The following ABLIM1 variants were observed in gnomAD, a reference collection of about 807,000 sequenced individuals.
ABLIM1 encodes actin binding LIM protein 1.
In ABLIM1, 40 loss-of-function variants were observed where a neutral mutation model predicts 107.0. The observed-to-expected ratio is 0.37, with a 90% CI of 0.29 to 0.49. The LOEUF is 0.49. Ranked by LOEUF, ABLIM1 falls within the 20% of genes least tolerant of loss-of-function variation. The probability of loss-of-function intolerance (pLI) is 0.97; values close to 1 mark genes in which losing one functional copy is unlikely to be tolerated. For synonymous variants in ABLIM1, 357 were observed against 357.3 expected (o/e 1.00, Z 0.01); for missense variants, 857 against 1,008.5 (o/e 0.85, Z 2.04).
At chr10:114,751,624 C>G (rs560002531) in intron 1 of ABLIM1, among the ~76,000 whole-genome samples, 38 of 151,852 alleles carry the variant, frequency 2.5e-4, no homozygotes, top group Non-Finnish European at 5.3e-4. Context: ...GTGGCGCACA[C>G]ATGTAGTCCC....
intron 1 of ABLIM1, among the ~76,000 whole-genome samples, chr10:114,638,796 C>T (rs529397513): frequency 6.6e-6 from 1 of 152,310 alleles, no homozygotes; most frequent in South Asian, 2.1e-4. Context: ...GATACCTTAT[C>T]CTTCATCGGT....
chr10:114,537,985 T>C (rs1022824874), intron 6 of ABLIM1, among the ~76,000 whole-genome samples: 2 of 152,228 alleles, frequency 1.3e-5, no homozygotes, highest in Non-Finnish European at 2.9e-5. Flanking sequence ...AAAGATTAGA[T>C]GTCATGCAAG....
intron 6 of ABLIM1, among the ~76,000 whole-genome samples, chr10:114,518,940 A>G (rs907236371): frequency 1.3e-5 from 2 of 152,196 alleles, no homozygotes; most frequent in African/African-American, 4.8e-5. Flanking sequence ...AGACAAGAAA[A>G]GCTCCATAGG....
chr10:114,445,100 T>C (rs1452212622), intron 16 of ABLIM1, among the ~76,000 whole-genome samples: 1 of 152,192 alleles, frequency 6.6e-6, no homozygotes, highest in Non-Finnish European at 1.5e-5. Flanking sequence ...CCAGCACCAA[T>C]GCCATCTCCT....
At chr10:114,704,695 C>T (rs1166418574) in intron 1 of ABLIM1, among the ~76,000 whole-genome samples, 1 of 151,920 alleles carries the variant, frequency 6.6e-6, no homozygotes, top group Non-Finnish European at 1.5e-5. Flanking sequence ...TCCTGGGAGG[C>T]TGTGGGGTCC....
At chr10:114,617,966 T>G (rs1203505732) in intron 1 of ABLIM1, among the ~76,000 whole-genome samples, 5 of 152,152 alleles carry the variant, frequency 3.3e-5, no homozygotes, top group Non-Finnish European at 1.5e-5. Context: ...AGAAAAAGTT[T>G]AAAAAACCCA....
At chr10:114,551,444 G>A (rs2068049245) in intron 4 of ABLIM1, among the ~76,000 whole-genome samples, 3 of 152,240 alleles carry the variant, frequency 2.0e-5, no homozygotes, top group Admixed American at 1.3e-4. Flanking sequence ...CTGGCCCACG[G>A]CCAATCAGAG....
chr10:114,593,858 T>C (rs1265287346), intron 2 of ABLIM1, among the ~76,000 whole-genome samples: 1 of 152,208 alleles, frequency 6.6e-6, no homozygotes, highest in African/African-American at 2.4e-5. Flanking sequence ...AAAACCTAAA[T>C]GTTTTAAAAA....
At chr10:114,700,491 AAC>A (rs149691121) in intron 1 of ABLIM1, among the ~76,000 whole-genome samples, 15,806 of 148,136 alleles carry the variant, frequency 0.11, 1,157 homozygotes, top group African/African-American at 0.21. Flanking sequence ...AAACAATTAA[AAC>A]ACACACACAC....
At chr10:114,651,338 C>A (rs2079229960) in intron 1 of ABLIM1, among the ~76,000 whole-genome samples, 1 of 152,080 alleles carries the variant, frequency 6.6e-6, no homozygotes, top group Admixed American at 6.5e-5. Flanking sequence ...GCAACTTGAA[C>A]AAAGATGTGC....
At chr10:114,689,515 C>T (rs2081025863), upstream of ABLIM1, among the ~76,000 whole-genome samples, 1 of 151,862 alleles carries the variant, frequency 6.6e-6, no homozygotes, top group African/African-American at 2.4e-5. Flanking sequence ...GTGTGCACCA[C>T]CACTCCCAGC....
rs2059233715 is a variant in ABLIM1, at chr10:114,435,009, AAC to A, written c.*1249_*1250del. The A allele has an allele frequency of 6.6e-6, 1 of 152,220 alleles. No individual in the cohort carries two copies. Among genetic ancestry groups the A allele is most frequent in the Non-Finnish European group, 1.5e-5 (1 of 68,052 alleles). The allele number at this position is 152,220 out of a possible 1,614,324, so 9.4% of individuals were successfully genotyped here. ...CGGTGACAATGTCTTTAGAAGCTGC[AAC>A]ACAGCAGGACAAACATTCAAGCAGA... On this transcript the variant is annotated 3_prime_UTR_variant, in exon 23 of 23. Coordinates refer to ENST00000533213, the MANE Select transcript of ABLIM1 (RefSeq NM_002313.7).
At chr10:114,784,212 G>T in the ABLIM1 span, among the ~76,000 whole-genome samples, 1 of 151,804 alleles carries the variant, frequency 6.6e-6, no homozygotes, top group Middle Eastern at 3.4e-3. Context: ...CAGGCTCGGT[G>T]GTGCGCACCT....
intron 1 of ABLIM1, among the ~76,000 whole-genome samples, chr10:114,664,434 G>A (rs1430627228): frequency 6.6e-6 from 1 of 152,210 alleles, no homozygotes; most frequent in African/African-American, 2.4e-5. Flanking sequence ...TATCGTTACA[G>A]CAGTAAAAGT....
At chr10:114,669,614 G>GC (rs2080167570) in intron 1 of ABLIM1, among the ~76,000 whole-genome samples, 1 of 152,190 alleles carries the variant, frequency 6.6e-6, no homozygotes, top group African/African-American at 2.4e-5. Flanking sequence ...GCACAGCCCT[G>GC]CAATAGGTAT....
chr10:114,784,208 C>T, the ABLIM1 span, among the ~76,000 whole-genome samples: 2 of 151,420 alleles, frequency 1.3e-5, no homozygotes, highest in Non-Finnish European at 2.9e-5. Flanking sequence ...TAGCCAGGCT[C>T]GGTGGTGCGC....
Position 114,545,100 on chromosome 10 carries a change from T to C in ABLIM1, c.801-2A>G, listed in dbSNP as rs1473833773. On this transcript the variant is annotated splice_acceptor_variant, in intron 5 of 22. Transcript: ENST00000533213. LOFTEE classifies it high-confidence loss of function. ...TTTTCACAGTACGGAGCACCATCCCTGCAAGACAAAAACGTGTTCGGCTCC... is the reference window on the plus strand; with the variant it reads ...TTTTCACAGTACGGAGCACCATCCCCGCAAGACAAAAACGTGTTCGGCTCC... The C allele has an allele frequency of 6.2e-7, 1 of 1,614,112 alleles. No homozygotes were observed. The highest frequency in any genetic ancestry group is 8.5e-7 in the Non-Finnish European group (1 of 1,179,964).
At chr10:114,694,657 G>C (rs556585108) in intron 1 of ABLIM1, among the ~76,000 whole-genome samples, 3 of 152,034 alleles carry the variant, frequency 2.0e-5, no homozygotes, top group Non-Finnish European at 4.4e-5. Flanking sequence ...ACAAATATTA[G>C]TCATTATTGT....
At chr10:114,568,405 A>C (rs1433422528) in intron 4 of ABLIM1, among the ~76,000 whole-genome samples, 1 of 152,174 alleles carries the variant, frequency 6.6e-6, no homozygotes, top group African/African-American at 2.4e-5. Context: ...AAAACATTAA[A>C]AATTTTTAAA....
Sources: allele counts gnomAD v4.1 joint callset (sites outside exome capture counted in the v4.1 genomes callset), GRCh38; gene constraint gnomAD v4.1.1; transcripts MANE v1.5; gene names NCBI Gene and HGNC (gene_info 2026-07-23, HGNC 2026-07-21).